Variants in NUP210L observed in about 807,000 individuals in gnomAD.
The protein encoded by NUP210L is nucleoporin 210 like, also known as nuclear pore membrane glycoprotein 210-like.
A neutral mutation model predicts 208.5 loss-of-function variants in NUP210L; 74 were observed. The ratio of observed to expected loss-of-function variants is 0.35; its 90% CI spans 0.29 to 0.43. NUP210L has a LOEUF of 0.43. Among genes scored for constraint, NUP210L ranks in the 20% least tolerant of loss-of-function variants. NUP210L has a pLI of 1.00. For missense variants in NUP210L, 1,843 were observed against 2,289.4 expected (o/e 0.81, Z 3.98); for synonymous variants, 780 against 816.9 (o/e 0.95, Z 0.77).
intron 34 of NUP210L, among the ~76,000 whole-genome samples, chr1:154,010,379 T>C (rs1195172771): frequency 6.6e-6 from 1 of 152,120 alleles, no homozygotes; most frequent in Non-Finnish European, 1.5e-5. Context: ...AAGATTTTTT[T>C]TGAAAAATCT....
At chr1:154,121,284 T>C (rs966288003) in intron 10 of NUP210L, among the ~76,000 whole-genome samples, 6 of 152,140 alleles carry the variant, frequency 3.9e-5, no homozygotes, top group Non-Finnish European at 7.3e-5. Flanking sequence ...TTGCATGCCA[T>C]GGAATAGCAG....
intron 33 of NUP210L, among the ~76,000 whole-genome samples, chr1:154,016,076 G>A (rs978074542): frequency 2.6e-5 from 4 of 151,758 alleles, no homozygotes; most frequent in Non-Finnish European, 5.9e-5. Context: ...ACAACATAGC[G>A]AGACCCTGTG....
intron 2 of NUP210L, 103 bp from the exon 3 acceptor site, chr1:154,143,680 A>G: frequency 1.0e-6 from 1 of 980,442 alleles, no homozygotes; most frequent in South Asian, 1.8e-5. Flanking sequence ...AAAAAGAAAG[A>G]CTATGACTGC....
chr1:154,108,275 A>C (rs916602728), intron 12 of NUP210L, among the ~76,000 whole-genome samples: 2 of 152,130 alleles, frequency 1.3e-5, no homozygotes, highest in African/African-American at 4.8e-5. Flanking sequence ...CTCCTGCCTC[A>C]GCCTCATGAG....
chr1:154,043,114 G>A (rs911531505), intron 27 of NUP210L, among the ~76,000 whole-genome samples: 1 of 147,736 alleles, frequency 6.8e-6, no homozygotes, highest in African/African-American at 2.5e-5. Flanking sequence ...CTGCCTCCCG[G>A]GTTCAAGGAA....
chr1:154,058,758 T>C, intron 20 of NUP210L, 65 bp from the exon 21 acceptor site: 1 of 1,529,888 alleles, frequency 6.5e-7, no homozygotes, highest in Non-Finnish European at 8.9e-7. Context: ...TCAAAGCAAC[T>C]ATTTTCACCC....
At chr1:154,031,891 TA>T (rs35565250) in intron 27 of NUP210L, among the ~76,000 whole-genome samples, 35,302 of 151,030 alleles carry the variant, frequency 0.23, 5,050 homozygotes, top group Admixed American at 0.36. Context: ...CTGGCTAAAT[TA>T]AAAAAAATTT....
At chr1:154,126,455 C>T in exon 10 of NUP210L, 1 of 1,607,760 alleles carries the variant, frequency 6.2e-7, no homozygotes, top group Non-Finnish European at 8.5e-7. Flanking sequence ...CGTATGTAAT[C>T]CTGAGATTCT....
chr1:154,094,875 A>G lies in NUP210L; in HGVS notation c.2187+60T>C, dbSNP rs1372812291. On this transcript the variant is annotated intron_variant, in intron 15 of 39. Transcript: ENST00000368559. ...GCAGAATCTGAAAAGGAATGGCTGG[A>G]AGTACAAAGGATTTGGAGTATTACA... 15 of 1,231,412 alleles carry G rather than the reference A, an allele frequency of 1.2e-5. No individual in the cohort carries two copies. In the Admixed American group the frequency reaches 2.7e-4, roughly 22 times the overall value. The allele number at this position is 1,231,412 out of a possible 1,614,324, so 76.3% of individuals were successfully genotyped here. A position where few individuals can be genotyped will look rare whatever the true frequency, so the allele number is the denominator to read the frequency against.
At chr1:154,081,033 A>G (rs1057292987) in intron 16 of NUP210L, among the ~76,000 whole-genome samples, 1 of 151,932 alleles carries the variant, frequency 6.6e-6, no homozygotes, top group Non-Finnish European at 1.5e-5. Flanking sequence ...AAATGGAAGA[A>G]GAGGAACAGA....
At position 154,125,716 on chromosome 1, in the gene NUP210L, AG is replaced by A. The variant is rs1362582948; in HGVS notation, c.1326+606del. Among the ~76,000 whole-genome samples, 5 of 46,938 alleles carry A rather than the reference AG, an allele frequency of 1.1e-4. 2 individuals carry two copies. Among genetic ancestry groups the A allele is most frequent in the African/African-American group, 3.0e-4 (5 of 16,800 alleles). 30.8% of individuals were successfully genotyped at this position (46,938 alleles called of 152,430 possible). On this transcript the variant is annotated intron_variant, in intron 10 of 39. Transcript: ENST00000368559. ...AAGGAAGGAAGGAAGGAAGGAAGGA[AG>A]GAAGGAAGGAAGGAAGGAAGGGAGG...
chr1:153,995,674 A>C, intron 37 of NUP210L: 3 of 1,312,366 alleles, frequency 2.3e-6, no homozygotes, highest in South Asian at 1.2e-5. Context: ...TTCCTACAAT[A>C]CAGCCTCTAA....
intron 25 of NUP210L, among the ~76,000 whole-genome samples, chr1:154,048,731 C>T (rs181813540): frequency 5.1e-4 from 77 of 152,268 alleles, no homozygotes; most frequent in Middle Eastern, 6.8e-3. Flanking sequence ...AAAGTACCTA[C>T]GGGAGTCTGT....
At chr1:154,131,864 G>A (rs1309124944) in intron 7 of NUP210L, among the ~76,000 whole-genome samples, 1 of 152,004 alleles carries the variant, frequency 6.6e-6, no homozygotes, top group Non-Finnish European at 1.5e-5. Context: ...GGGTGCAGTG[G>A]TGCCATCTCG....
At chr1:153,993,210 CT>C in intron 38 of NUP210L, 121 bp from the exon 39 acceptor site, 1 of 622,262 alleles carries the variant, frequency 1.6e-6, no homozygotes. Flanking sequence ...AGTAATGGCA[CT>C]ATTACAGGAA....
At position 154,006,946 on chromosome 1, in the gene NUP210L, G is replaced by GTA. The variant is rs1553219854; in HGVS notation, c.4930+3024_4930+3025dup. On this transcript the variant is annotated intron_variant, in intron 35 of 39. Coordinates refer to ENST00000368559, the Ensembl canonical transcript of NUP210L. ...TATGTCTGTGTGTGTGTGTGTGTGT[G>GTA]TATATATATATATATATATATTTTT... Among the ~76,000 whole-genome samples, 408 of 95,398 alleles carry GTA rather than the reference G, an allele frequency of 4.3e-3. 6 individuals are homozygous for GTA. The highest frequency in any genetic ancestry group is 0.014 in the East Asian group (45 of 3,280). 62.6% of individuals were successfully genotyped at this position (95,398 alleles called of 152,430 possible). A position where few individuals can be genotyped will look rare whatever the true frequency, so the allele number is the denominator to read the frequency against.
At chr1:154,112,626 C>T (rs1196367423) in intron 12 of NUP210L, among the ~76,000 whole-genome samples, 4 of 151,918 alleles carry the variant, frequency 2.6e-5, no homozygotes, top group South Asian at 2.1e-4. Flanking sequence ...GAGGCCAAGG[C>T]GGGAAGATCG....
At chr1:154,056,776 A>G in intron 23 of NUP210L, 39 bp downstream of exon 23, 7 of 1,539,174 alleles carry the variant, frequency 4.5e-6, no homozygotes, top group Non-Finnish European at 4.4e-6. Flanking sequence ...GATGTTAAGC[A>G]AGAAAAAGTA....
intron 12 of NUP210L, among the ~76,000 whole-genome samples, chr1:154,111,531 A>AC (rs1242400131): frequency 6.6e-6 from 1 of 151,630 alleles, no homozygotes; most frequent in East Asian, 1.9e-4. Context: ...AAATTGGAAA[A>AC]CCTACAAGAA....
Sources: allele counts gnomAD v4.1 joint callset (sites outside exome capture counted in the v4.1 genomes callset), GRCh38; gene constraint gnomAD v4.1.1; transcripts MANE v1.5; gene names NCBI Gene and HGNC (gene_info 2026-07-23, HGNC 2026-07-21).